Variants in DLG2 observed in about 807,000 individuals in gnomAD.
DLG2 encodes the protein discs large MAGUK scaffold protein 2, also known as disks large homolog 2.
DLG2 carries 45 observed loss-of-function variants against 132.5 expected under a neutral mutation model. That is an observed-to-expected ratio of 0.34 (90% confidence interval 0.27 to 0.44). The LOEUF is 0.44. Among genes scored for constraint, DLG2 ranks in the 20% least tolerant of loss-of-function variants. DLG2 has a pLI of 1.00. For missense variants in DLG2, 1,045 were observed against 1,196.9 expected, an observed-to-expected ratio of 0.87 and a Z score of 1.87; for synonymous variants, 424 against 419.6, an observed-to-expected ratio of 1.01 and a Z score of -0.13.
At chr11:85,592,778 T>C (rs1348100810) in intron 3 of DLG2, among the ~76,000 whole-genome samples, 2 of 151,816 alleles carry the variant, frequency 1.3e-5, no homozygotes, top group Non-Finnish European at 2.9e-5. Flanking sequence ...TGGTGAAGTC[T>C]CCTTTCCGCA....
chr11:83,741,866 T>G (rs1478173020), intron 18 of DLG2, among the ~76,000 whole-genome samples: 2 of 151,484 alleles, frequency 1.3e-5, no homozygotes, highest in Non-Finnish European at 2.9e-5. Context: ...ATGCAAAAAA[T>G]TAGCAAGGCG....
chr11:83,727,681 T>C (rs2090274827), intron 18 of DLG2, among the ~76,000 whole-genome samples: 1 of 152,082 alleles, frequency 6.6e-6, no homozygotes, highest in South Asian at 2.1e-4. Flanking sequence ...ATGGGTGGAG[T>C]GGATGGAGTG....
At chr11:85,386,229 C>A (rs2086310491) in intron 3 of DLG2, among the ~76,000 whole-genome samples, 1 of 152,196 alleles carries the variant, frequency 6.6e-6, no homozygotes, top group Admixed American at 6.5e-5. Flanking sequence ...TACATACCAC[C>A]TATTATTCTA....
intron 2 of DLG2, among the ~76,000 whole-genome samples, chr11:85,611,200 G>C (rs186670183): frequency 4.1e-4 from 63 of 152,286 alleles, no homozygotes; most frequent in African/African-American, 1.5e-3. Context: ...ACTGTTTAAG[G>C]GTAGTTGTGG....
chr11:85,514,210 C>G (rs2094131888), intron 3 of DLG2, among the ~76,000 whole-genome samples: 1 of 151,954 alleles, frequency 6.6e-6, no homozygotes, highest in Non-Finnish European at 1.5e-5. Context: ...ATCCTCACAT[C>G]AACTTTGTAA....
intron 6 of DLG2, among the ~76,000 whole-genome samples, chr11:84,828,212 G>T (rs2078587438): frequency 6.6e-6 from 1 of 151,758 alleles, no homozygotes; most frequent in African/African-American, 2.4e-5. Flanking sequence ...AAAACAGACA[G>T]GGTGGGATAG....
intron 7 of DLG2, among the ~76,000 whole-genome samples, chr11:84,460,770 C>A (rs2099078215): frequency 1.3e-5 from 2 of 150,578 alleles, no homozygotes; most frequent in African/African-American, 4.9e-5. Flanking sequence ...CTAACCATTT[C>A]TCTAGTGCTG....
chr11:85,489,114 A>C (rs982660094), intron 3 of DLG2, among the ~76,000 whole-genome samples: 2 of 152,210 alleles, frequency 1.3e-5, no homozygotes, highest in African/African-American at 4.8e-5. Context: ...GGCTCCACTT[A>C]AGAGATACAG....
At chr11:83,993,800 T>A (rs1288376299) in intron 11 of DLG2, among the ~76,000 whole-genome samples, 6 of 152,158 alleles carry the variant, frequency 3.9e-5, no homozygotes, top group Non-Finnish European at 7.4e-5. Flanking sequence ...GACCTCTGAA[T>A]ACTGTCTACA....
At chr11:85,608,901 G>A (rs949277072) in intron 2 of DLG2, among the ~76,000 whole-genome samples, 3 of 152,132 alleles carry the variant, frequency 2.0e-5, no homozygotes, top group Non-Finnish European at 4.4e-5. Context: ...AAAAGAATGT[G>A]GCTTTAGCTG....
At chr11:85,055,069 A>G (rs2063311711) in intron 6 of DLG2, among the ~76,000 whole-genome samples, 1 of 152,180 alleles carries the variant, frequency 6.6e-6, no homozygotes, top group Non-Finnish European at 1.5e-5. Context: ...TAGAATAAAG[A>G]ACAATGGACT....
intron 6 of DLG2, among the ~76,000 whole-genome samples, chr11:84,583,868 T>G (rs1402843422): frequency 6.6e-6 from 1 of 152,188 alleles, no homozygotes; most frequent in Non-Finnish European, 1.5e-5. Context: ...TTTGATTTTA[T>G]GTTTCAAAGA....
rs553943575 is a variant in DLG2 at position 84,441,983 on chromosome 11, G to C, written c.519+92587C>G. 4.6e-5 allele frequency among the ~76,000 whole-genome samples: 7 copies of C among 152,278 alleles called. No homozygotes were observed. The South Asian group carries it at 1.5e-3, about 32-fold the overall frequency. ...TTCTGTCCCATTGGTCTATATATCTGTTTTGGTACCAGTACCATGCTGTTT... is the reference window on the plus strand; with the variant it reads ...TTCTGTCCCATTGGTCTATATATCTCTTTTGGTACCAGTACCATGCTGTTT... On this transcript the variant is annotated intron_variant, in intron 7 of 27. Transcript: ENST00000376104.
chr11:85,438,665 T>C (rs1317961124), intron 3 of DLG2, among the ~76,000 whole-genome samples: 3 of 152,212 alleles, frequency 2.0e-5, no homozygotes. Flanking sequence ...CCATTTTACT[T>C]GTCCTCATCT....
intron 7 of DLG2, among the ~76,000 whole-genome samples, chr11:84,434,118 CAAAAA>C (rs201807752): frequency 1.2e-5 from 1 of 86,954 alleles, no homozygotes; most frequent in Admixed American, 1.4e-4. Flanking sequence ...GACTCCATCT[CAAAAA>C]AAAAAAAAAA....
intron 17 of DLG2, among the ~76,000 whole-genome samples, chr11:83,796,394 T>C (rs1280004762): frequency 1.3e-5 from 2 of 152,222 alleles, no homozygotes; most frequent in African/African-American, 4.8e-5. Flanking sequence ...CACAAAACAA[T>C]ATCATTTCTT....
At chr11:84,883,556 A>C (rs2087720611) in intron 6 of DLG2, among the ~76,000 whole-genome samples, 1 of 152,136 alleles carries the variant, frequency 6.6e-6, no homozygotes, top group Non-Finnish European at 1.5e-5. Context: ...TTGTTCACAT[A>C]TCAATCTCCA....
In DLG2 at chr11:85,562,370, G is replaced by A. The variant is rs75679715; in HGVS notation, c.40+36287C>T. On this transcript the variant is annotated intron_variant, in intron 3 of 27. Coordinates refer to ENST00000376104, the MANE Select transcript of DLG2 (RefSeq NM_001142699.3). Reference sequence around the variant, plus strand: ...CAGTGAGAAGAGAAAATGAGAGAAGGGAAATGTTTACCATTTGTATTGACC... The same window carrying A: ...CAGTGAGAAGAGAAAATGAGAGAAGAGAAATGTTTACCATTTGTATTGACC... Among the ~76,000 whole-genome samples the A allele has an allele frequency of 5.5e-3, 831 of 151,272 alleles. 22 individuals carry two copies. Among genetic ancestry groups the A allele is most frequent in the Non-Finnish European group, 8.5e-3 (574 of 67,650 alleles).
intron 8 of DLG2, 82 bp downstream of exon 8, chr11:84,251,156 C>A: frequency 1.2e-6 from 1 of 855,836 alleles, no homozygotes; most frequent in South Asian, 2.0e-5. Context: ...TTGGGTGAAA[C>A]TAAATGTGAA....
Sources: gnomAD v4.1 joint callset for allele counts (sites outside exome capture counted in the v4.1 genomes callset) on GRCh38, gnomAD v4.1.1 for gene constraint, MANE v1.5 for transcripts, NCBI Gene and HGNC (gene_info 2026-07-23, HGNC 2026-07-21) for gene names.